The following CD2AP variants were observed in gnomAD, a reference collection of about 807,000 sequenced individuals.
CD2AP encodes CD2 associated protein, also known as CD2-associated protein.
Under a neutral mutation model 85.1 loss-of-function variants are expected in CD2AP, and 46 were observed. The ratio of observed to expected loss-of-function variants is 0.54; its 90% CI spans 0.43 to 0.69. The LOEUF (loss-of-function observed/expected upper bound fraction) is 0.69. Ranked by LOEUF, CD2AP falls within the 30% of genes least tolerant of loss-of-function variation. The probability of loss-of-function intolerance (pLI) is 0.00; values close to 1 mark genes in which losing one functional copy is unlikely to be tolerated. For synonymous variants in CD2AP, 255 were observed against 252.9 expected, an observed-to-expected ratio of 1.01 and a Z score of -0.08; for missense variants, 769 against 729.5, an observed-to-expected ratio of 1.05 and a Z score of -0.62.
At position 47,541,902 on chromosome 6, in the gene CD2AP, G is replaced by A. The variant is rs1188961003; in HGVS notation, c.320-2704G>A. On this transcript the variant is annotated intron_variant, in intron 3 of 17. Coordinates refer to ENST00000359314, the MANE Select transcript of CD2AP (RefSeq NM_012120.3). ...TTTGGAGATCATGATTTGATGCAGT[G>A]AAATTCTTCCTGTCCAGATTACTTC... Among the ~76,000 whole-genome samples, 3 of 152,310 alleles carry A rather than the reference G, an allele frequency of 2.0e-5. 1 individual carries two copies. In the East Asian group the frequency reaches 5.8e-4, roughly 29 times the overall value.
intron 1 of CD2AP, among the ~76,000 whole-genome samples, chr6:47,486,232 G>A (rs1765560967): frequency 6.6e-6 from 1 of 152,130 alleles, no homozygotes. Context: ...AAGTGTTAAG[G>A]ATTGGGCATA....
intron 2 of CD2AP, among the ~76,000 whole-genome samples, chr6:47,517,419 C>T (rs1766481864): frequency 6.6e-6 from 1 of 152,006 alleles, no homozygotes; most frequent in Non-Finnish European, 1.5e-5. Flanking sequence ...TGACAAATAG[C>T]TGCGACTACA....
chr6:47,582,958 A>AT (rs1309648748), intron 11 of CD2AP, among the ~76,000 whole-genome samples: 2 of 151,184 alleles, frequency 1.3e-5, no homozygotes, highest in African/African-American at 2.4e-5. Context: ...AATTTTTTGT[A>AT]TTTTTTAGTA....
chr6:47,545,281 C>T (rs899656087), intron 4 of CD2AP: 1 of 154,814 alleles, frequency 6.5e-6, no homozygotes, highest in African/African-American at 2.4e-5. Context: ...AACCCACAGA[C>T]CCTCTGAAGG....
chr6:47,579,659 G>T (rs1768418568), intron 9 of CD2AP, 170 bp downstream of exon 9: 2 of 589,128 alleles, frequency 3.4e-6, no homozygotes, highest in Admixed American at 3.0e-5. Context: ...TAATGTTTCA[G>T]TTCCGTACTT....
intron 2 of CD2AP, among the ~76,000 whole-genome samples, chr6:47,525,868 C>T (rs1240316696): frequency 6.6e-6 from 1 of 151,992 alleles, no homozygotes; most frequent in Non-Finnish European, 1.5e-5. Context: ...TTGACATTAC[C>T]TATTGTGCAA....
At chr6:47,595,813 C>T (rs750413618) in intron 11 of CD2AP, 48 bp from the exon 12 acceptor site, 1 of 1,544,240 alleles carries the variant, frequency 6.5e-7, no homozygotes, top group Admixed American at 1.7e-5. Flanking sequence ...ATAGAAAAAC[C>T]TAAATAATTT....
intron 2 of CD2AP, among the ~76,000 whole-genome samples, chr6:47,510,273 T>G (rs908516440): frequency 3.9e-5 from 6 of 152,354 alleles, no homozygotes; most frequent in Non-Finnish European, 7.4e-5. Flanking sequence ...TACACAAATA[T>G]ATGTATTCCT....
chr6:47,535,655 AG>A (rs1254008001), intron 3 of CD2AP, among the ~76,000 whole-genome samples: 2 of 152,206 alleles, frequency 1.3e-5, no homozygotes, highest in African/African-American at 4.8e-5. Flanking sequence ...ACTGCTTTCT[AG>A]CATTATTGCC....
chr6:47,536,316 T>C (rs1188616058), intron 3 of CD2AP, among the ~76,000 whole-genome samples: 1 of 152,052 alleles, frequency 6.6e-6, no homozygotes, highest in African/African-American at 2.4e-5. Flanking sequence ...TGTTACATAG[T>C]AGCAGGATAC....
chr6:47,592,749 G>GTTCACA (rs1768836939), intron 11 of CD2AP, among the ~76,000 whole-genome samples: 1 of 152,128 alleles, frequency 6.6e-6, no homozygotes, highest in Non-Finnish European at 1.5e-5. Flanking sequence ...ACATTGAGGG[G>GTTCACA]ATAGGAAGGT....
At chr6:47,621,253 AG>A (rs1472451353) in intron 17 of CD2AP, among the ~76,000 whole-genome samples, 4 of 152,222 alleles carry the variant, frequency 2.6e-5, no homozygotes, top group African/African-American at 9.6e-5. Flanking sequence ...TTAATCATAA[AG>A]GGATGCTGGA....
chr6:47,507,899 T>G (rs567774291), intron 2 of CD2AP, among the ~76,000 whole-genome samples: 1 of 152,230 alleles, frequency 6.6e-6, no homozygotes, highest in Admixed American at 6.5e-5. Flanking sequence ...ATCATCAATA[T>G]GCATTAGTAT....
Position 47,610,947 on chromosome 6 carries a change from A to ATT in CD2AP, c.1815-1524_1815-1523dup, listed in dbSNP as rs199689963. Among the ~76,000 whole-genome samples the ATT allele has an allele frequency of 7.3e-3, 570 of 78,124 alleles. 8 individuals are homozygous for ATT. Among genetic ancestry groups the ATT allele is most frequent in the African/African-American group, 0.025 (477 of 19,338 alleles). 51.3% of individuals were successfully genotyped at this position (78,124 alleles called of 152,430 possible). ...CTCTAGAACGGATAAAATATTTCTG[A>ATT]TTTATATATATATATATATATGTAT... On this transcript the variant is annotated intron_variant, in intron 16 of 17. Coordinates refer to ENST00000359314, the MANE Select transcript of CD2AP (RefSeq NM_012120.3).
intron 2 of CD2AP, among the ~76,000 whole-genome samples, chr6:47,511,345 A>G (rs1049362073): frequency 1.3e-5 from 2 of 152,220 alleles, no homozygotes; most frequent in Admixed American, 6.5e-5. Flanking sequence ...AAAAATGTCA[A>G]GGTCATGAAA....
At chr6:47,505,636 C>A (rs1427378058) in intron 2 of CD2AP, among the ~76,000 whole-genome samples, 3 of 121,070 alleles carry the variant, frequency 2.5e-5, no homozygotes, top group African/African-American at 2.9e-5. Flanking sequence ...ACCCCCCCCA[C>A]CTCCCTCCCG....
At chr6:47,577,143 T>G (rs1220170114) in intron 8 of CD2AP, 40 bp downstream of exon 8, 5 of 1,048,246 alleles carry the variant, frequency 4.8e-6, no homozygotes, top group Non-Finnish European at 6.0e-6. Context: ...CTTAATTTAT[T>G]TATAGAAATA....
Position 47,606,235 on chromosome 6 carries a change from G to T in CD2AP, c.1488G>T (p.Met496Ile), listed in dbSNP as rs143297472. 6.2e-7 allele frequency: 1 copy of T among 1,611,834 alleles called. No homozygotes were observed. Among genetic ancestry groups the T allele is most frequent in the Middle Eastern group, 1.7e-4 (1 of 6,040 alleles). The change falls in exon 14 of 18, where the codon ATG becomes ATT. Residue 496 changes from methionine (M) to isoleucine (I), a missense_variant. Physicochemically the swap from Met to Ile is conservative, Grantham distance 10. Transcript: ENST00000359314. ...ATCTCACTGCAAATAGACCAAAGAT[G>T]CCTGGAAGAAGGTTGCCGGGCCGTT... Reference protein sequence around the residue: ...LLHLTANRPKMPGRRLPGRFN... With the variant: ...LLHLTANRPKIPGRRLPGRFN...
At chr6:47,621,870 T>C (rs945402371) in intron 17 of CD2AP, among the ~76,000 whole-genome samples, 2 of 152,194 alleles carry the variant, frequency 1.3e-5, no homozygotes, top group African/African-American at 2.4e-5. Context: ...TTTTGTGTCA[T>C]TCAAGGGACC....
Sources: allele counts gnomAD v4.1 joint callset (sites outside exome capture counted in the v4.1 genomes callset), GRCh38; gene constraint gnomAD v4.1.1; transcripts MANE v1.5; gene names NCBI Gene and HGNC (gene_info 2026-07-23, HGNC 2026-07-21).